FOXF1: variants seen among roughly 807,000 people sequenced by gnomAD.
FOXF1 encodes the protein forkhead box F1.
In FOXF1, 9 loss-of-function variants were observed where a neutral mutation model predicts 26.6. The observed-to-expected ratio is 0.34, with a 90% CI of 0.20 to 0.59. The LOEUF is 0.59. FOXF1 is among the 20% of genes least tolerant of loss of function. The pLI is 0.83. For synonymous variants in FOXF1, 330 were observed against 257.7 expected (o/e 1.28, Z -2.69); for missense variants, 499 against 549.9 (o/e 0.91, Z 0.93).
chr16:86,510,818 C>G lies in FOXF1; in HGVS notation c.249C>G (p.Pro83=). 1.2e-6 allele frequency: 2 copies of G among 1,614,196 alleles called. No individual in the cohort carries two copies. The highest frequency in any genetic ancestry group is 1.7e-6 in the Non-Finnish European group (2 of 1,180,034). The change falls in exon 1 of 2, where the codon CCC becomes CCG. Residue 83 remains proline, a synonymous_variant. Transcript: ENST00000262426. ...EIYQFLQSRF[P]FFRGSYQGWK... ...ACCAGTTCCTGCAGAGCCGCTTCCC[C>G]TTCTTCCGGGGCTCCTACCAGGGCT...
At chr16:86,512,594 C>T (rs186112828) in intron 1 of FOXF1, among the ~76,000 whole-genome samples, 4 of 152,362 alleles carry the variant, frequency 2.6e-5, no homozygotes, top group Non-Finnish European at 5.9e-5. Context: ...CGGCCATGGG[C>T]GTTAGGGGCC....
rs1344184347 is a variant in FOXF1, at chr16:86,511,093, C to T, written c.524C>T (p.Ser175Leu). ...HLPDTYGFQG[S>L]AGGLSCPPNS... Reference sequence around the variant, plus strand: ...CCGGACACCTACGGCTTCCAGGGCTCGGCCGGCGGCCTCTCGTGCCCGCCC... The same window carrying T: ...CCGGACACCTACGGCTTCCAGGGCTTGGCCGGCGGCCTCTCGTGCCCGCCC... Residue 175 changes from serine to leucine, a missense_variant, in exon 1 of 2, where the codon TCG becomes TTG. Ser to Leu is a moderately radical substitution (Grantham distance 145, BLOSUM62 -2). Around this residue, in one of 5 missense-constraint regions of FOXF1, gnomAD observed 367 missense variants for 324.8 expected, o/e 1.13. Transcript: ENST00000262426. 1.2e-6 allele frequency: 2 copies of T among 1,607,784 alleles called. No individual in the cohort carries two copies. Among genetic ancestry groups the T allele is most frequent in the South Asian group, 1.1e-5 (1 of 91,080 alleles).
rs1466157023 is a variant in FOXF1 at position 86,513,740 on chromosome 16, CAG to C, written c.*657_*658del. On this transcript the variant is annotated 3_prime_UTR_variant, in exon 2 of 2. Transcript: ENST00000262426. Reference sequence around the variant, plus strand: ...TCGGAAGCCACTGTCCGTCTTTAAACAGAAAGTCAAAGGAGCCACGAAGCAAG... The same window carrying C: ...TCGGAAGCCACTGTCCGTCTTTAAACAAAGTCAAAGGAGCCACGAAGCAAG... 2 of 152,354 alleles carry C rather than the reference CAG, an allele frequency of 1.3e-5. No individual in the cohort carries two copies. Among genetic ancestry groups the C allele is most frequent in the Non-Finnish European group, 2.9e-5 (2 of 68,164 alleles). The allele number at this position is 152,354 out of a possible 1,614,324, so 9.4% of individuals were successfully genotyped here. A position where few individuals can be genotyped will look rare whatever the true frequency, so the allele number is the denominator to read the frequency against.
intron 1 of FOXF1, among the ~76,000 whole-genome samples, 158 bp downstream of exon 1, chr16:86,511,706 C>G (rs1411921770): frequency 1.3e-5 from 2 of 152,196 alleles, no homozygotes; most frequent in African/African-American, 2.4e-5. Flanking sequence ...CACCTCTCCC[C>G]CTTCGAAGAG....
chr16:86,513,235 C>G lies in FOXF1; in HGVS notation c.*150C>G, dbSNP rs1252559963. The stretch of plus-strand genomic sequence containing the variant: ...ACCGGAGTTTTTGGCAAGGAGTCCC[C>G]AATGCAAAGACACAGCGCTGCGGTT... On this transcript the variant is annotated 3_prime_UTR_variant, in exon 2 of 2. Transcript: ENST00000262426. 1.4e-6 allele frequency: 1 copy of G among 732,076 alleles called. No individual in the cohort carries two copies. Among genetic ancestry groups the G allele is most frequent in the Non-Finnish European group, 2.3e-6 (1 of 441,318 alleles). The allele number at this position is 732,076 out of a possible 1,614,324, so 45.3% of individuals were successfully genotyped here. A position where few individuals can be genotyped will look rare whatever the true frequency, so the allele number is the denominator to read the frequency against.
In FOXF1 at chr16:86,513,178, T is replaced by C. The variant is rs1458323833; in HGVS notation, c.*93T>C. On this transcript the variant is annotated 3_prime_UTR_variant, in exon 2 of 2. Coordinates refer to ENST00000262426, the MANE Select transcript of FOXF1 (RefSeq NM_001451.3). ...CTGCTTTCTTCTCGAGGTATAACCG[T>C]CGGCAGAAGAAAAGGGTTCCACCTC... 1 of 1,398,646 alleles carries C rather than the reference T, an allele frequency of 7.1e-7. No homozygotes were observed. The highest frequency in any genetic ancestry group is 9.9e-7 in the Non-Finnish European group (1 of 1,013,628). 86.6% of individuals were successfully genotyped at this position (1,398,646 alleles called of 1,614,324 possible).
chr16:86,514,957 G>C lies in FOXF1; in HGVS notation c.*1872G>C, dbSNP rs897167376. 1 of 152,002 alleles carries C rather than the reference G, an allele frequency of 6.6e-6. No individual in the cohort carries two copies. The highest frequency in any genetic ancestry group is 1.5e-5 in the Non-Finnish European group (1 of 68,014). 9.4% of individuals were successfully genotyped at this position (152,002 alleles called of 1,614,324 possible). Reference sequence around the variant, plus strand: ...TCTTGCTGTAGCTGTTATAAATCGTGAATCAACTTTAAGGTTTTTTTGTAG... The same window carrying C: ...TCTTGCTGTAGCTGTTATAAATCGTCAATCAACTTTAAGGTTTTTTTGTAG... On this transcript the variant is annotated 3_prime_UTR_variant, in exon 2 of 2. Coordinates refer to ENST00000262426, the MANE Select transcript of FOXF1 (RefSeq NM_001451.3).
At position 86,513,177 on chromosome 16, in the gene FOXF1, G is replaced by A. The variant is rs575341343; in HGVS notation, c.*92G>A. The A allele has an allele frequency of 1.1e-5, 16 of 1,394,596 alleles. No homozygotes were observed. The Middle Eastern group carries it at 6.0e-4, about 53-fold the overall frequency. 86.4% of individuals were successfully genotyped at this position (1,394,596 alleles called of 1,614,324 possible). A position where few individuals can be genotyped will look rare whatever the true frequency, so the allele number is the denominator to read the frequency against. ...ACTGCTTTCTTCTCGAGGTATAACC[G>A]TCGGCAGAAGAAAAGGGTTCCACCT... On this transcript the variant is annotated 3_prime_UTR_variant, in exon 2 of 2. Coordinates refer to ENST00000262426, the MANE Select transcript of FOXF1 (RefSeq NM_001451.3).
chr16:86,511,299 C>A lies in FOXF1; in HGVS notation c.730C>A (p.Pro244Thr), dbSNP rs1464150676. The A allele has an allele frequency of 2.0e-6, 3 of 1,521,414 alleles. No individual in the cohort carries two copies. Among genetic ancestry groups the A allele is most frequent in the Non-Finnish European group, 2.6e-6 (3 of 1,141,820 alleles). The allele number at this position is 1,521,414 out of a possible 1,614,324, so 94.2% of individuals were successfully genotyped here. A position where few individuals can be genotyped will look rare whatever the true frequency, so the allele number is the denominator to read the frequency against. Residue 244 changes from proline (P) to threonine (T), a missense_variant, in exon 1 of 2, where the codon CCC (proline) becomes ACC (threonine). Pro to Thr is a conservative substitution (Grantham distance 38). Around this residue, in one of 5 missense-constraint regions of FOXF1, gnomAD observed 367 missense variants for 324.8 expected, o/e 1.13. Coordinates refer to ENST00000262426, the MANE Select transcript of FOXF1 (RefSeq NM_001451.3). ...GTACCCGCACCACGACAGCTCGGTGCCCGCCTCCCCGCTGCTGCCCACCGG... is the reference window on the plus strand; with the variant it reads ...GTACCCGCACCACGACAGCTCGGTGACCGCCTCCCCGCTGCTGCCCACCGG... ...GEYPHHDSSV[P>T]ASPLLPTGAG...
rs1969601519 is a variant in FOXF1, at chr16:86,513,545, T to C, written c.*460T>C. 1 of 104,312 alleles carries C rather than the reference T, an allele frequency of 9.6e-6. No homozygotes were observed. Among genetic ancestry groups the C allele is most frequent in the African/African-American group, 4.0e-5 (1 of 24,878 alleles). 6.5% of individuals were successfully genotyped at this position (104,312 alleles called of 1,614,324 possible). ...GGTTGAGTATTTATCTTTTTATTTT[T>C]TATTTTTTTTTTGAAAGAATGTCTT... On this transcript the variant is annotated 3_prime_UTR_variant, in exon 2 of 2. Coordinates refer to ENST00000262426, the MANE Select transcript of FOXF1 (RefSeq NM_001451.3).
rs1461344148 is a variant in FOXF1, at chr16:86,513,212, C to T, written c.*127C>T. On this transcript the variant is annotated 3_prime_UTR_variant, in exon 2 of 2. Coordinates refer to ENST00000262426, the MANE Select transcript of FOXF1 (RefSeq NM_001451.3). ...GAAAAGGGTTCCACCTCTCCCCAAC[C>T]GGAGTTTTTGGCAAGGAGTCCCCAA... The T allele has an allele frequency of 8.6e-6, 9 of 1,049,812 alleles. No individual in the cohort carries two copies. The highest frequency in any genetic ancestry group is 5.9e-5 in the South Asian group (4 of 67,992). 65.0% of individuals were successfully genotyped at this position (1,049,812 alleles called of 1,614,324 possible). A position where few individuals can be genotyped will look rare whatever the true frequency, so the allele number is the denominator to read the frequency against.
chr16:86,510,576 TC>T lies in FOXF1; in HGVS notation c.8del (p.Ser3TrpfsTer67). 1.5e-6 allele frequency: 2 copies of T among 1,367,332 alleles called. No individual in the cohort carries two copies. Among genetic ancestry groups the T allele is most frequent in the South Asian group, 3.6e-5 (2 of 54,928 alleles). 84.7% of individuals were successfully genotyped at this position (1,367,332 alleles called of 1,614,324 possible). MS[S>X]APEKQQPPHG... ...CGGCGGCAGCAGCCACCCGATGTCT[TC>T]GGCGCCCGAGAAGCAGCAGCCACCG... On this transcript the variant is annotated frameshift_variant, in exon 1 of 2. Coordinates refer to ENST00000262426, the MANE Select transcript of FOXF1 (RefSeq NM_001451.3). LOFTEE classifies it high-confidence loss of function.
In FOXF1 at chr16:86,515,047, A is replaced by C. The variant is rs1289924892; in HGVS notation, c.*1962A>C. 1 of 152,012 alleles carries C rather than the reference A, an allele frequency of 6.6e-6. No homozygotes were observed. The highest frequency in any genetic ancestry group is 1.5e-5 in the Non-Finnish European group (1 of 68,028). The allele number at this position is 152,012 out of a possible 1,614,324, so 9.4% of individuals were successfully genotyped here. A position where few individuals can be genotyped will look rare whatever the true frequency, so the allele number is the denominator to read the frequency against. ...TTGTTCTTGGTTTTCCCCGATAGAA[A>C]ATCAAGCAAAATCTAAATGAGGCAA... is the stretch of plus-strand genomic sequence containing the variant. On this transcript the variant is annotated 3_prime_UTR_variant, in exon 2 of 2. Coordinates refer to ENST00000262426, the MANE Select transcript of FOXF1 (RefSeq NM_001451.3). The surrounding 1 kb of genome is among the most constrained non-coding windows in gnomAD (Gnocchi z 4.1).
At chr16:86,512,789 G>A (rs1969588198) in intron 1 of FOXF1, 136 bp from the exon 2 acceptor site, 1 of 976,482 alleles carries the variant, frequency 1.0e-6, no homozygotes, top group Admixed American at 1.9e-5. Context: ...GAGGAGAGCG[G>A]GGAGGCGGCC....
Position 86,511,062 on chromosome 16 carries a change from C to T in FOXF1, c.493C>T (p.His165Tyr), listed in dbSNP as rs754874470. ...CATGATGAACGGGCTCGGCTTCAACCACCTCCCGGACACCTACGGCTTCCA... is the reference window on the plus strand; with the variant it reads ...CATGATGAACGGGCTCGGCTTCAACTACCTCCCGGACACCTACGGCTTCCA... ...YSMMNGLGFN[H>Y]LPDTYGFQGS... is the part of the protein sequence containing the mutation. The change falls in exon 1 of 2, where the codon CAC (histidine) becomes TAC (tyrosine). Residue 165 changes from histidine (H) to tyrosine (Y), a missense_variant. This residue lies in a region of FOXF1 where 367 missense variants were observed against 324.8 expected (regional missense o/e 1.13). Transcript: ENST00000262426. 2.5e-6 allele frequency: 4 copies of T among 1,610,770 alleles called. No homozygotes were observed. Among genetic ancestry groups the T allele is most frequent in the Non-Finnish European group, 2.5e-6 (3 of 1,179,942 alleles).
chr16:86,512,821 A>G lies in FOXF1; in HGVS notation c.980-104A>G, dbSNP rs578066345. 2.7e-5 allele frequency: 37 copies of G among 1,371,576 alleles called. No individual in the cohort carries two copies. In the East Asian group the frequency reaches 8.6e-4, roughly 32 times the overall value. 85.0% of individuals were successfully genotyped at this position (1,371,576 alleles called of 1,614,324 possible). ...GGCCGTGCTCTGGAGCCAGGCTGAC[A>G]GGCCCTGTGCGCCCCACGGGAGCAC... On this transcript the variant is annotated intron_variant, in intron 1 of 1. Coordinates refer to ENST00000262426, the MANE Select transcript of FOXF1 (RefSeq NM_001451.3).
rs1969625879 is a variant in FOXF1, at chr16:86,515,066, G to A, written c.*1981G>A. The A allele has an allele frequency of 6.6e-6, 1 of 152,134 alleles. No homozygotes were observed. Among genetic ancestry groups the A allele is most frequent in the African/African-American group, 2.4e-5 (1 of 41,414 alleles). The allele number at this position is 152,134 out of a possible 1,614,324, so 9.4% of individuals were successfully genotyped here. A position where few individuals can be genotyped will look rare whatever the true frequency, so the allele number is the denominator to read the frequency against. On this transcript the variant is annotated 3_prime_UTR_variant, in exon 2 of 2. Transcript: ENST00000262426. The surrounding 1 kb of genome is among the most constrained non-coding windows in gnomAD (Gnocchi z 4.1). ...ATAGAAAATCAAGCAAAATCTAAATGAGGCAAAAGGGCGCTTGGTGGGCCA... is the reference window on the plus strand; with the variant it reads ...ATAGAAAATCAAGCAAAATCTAAATAAGGCAAAAGGGCGCTTGGTGGGCCA...
chr16:86,513,165 C>T lies in FOXF1; in HGVS notation c.*80C>T, dbSNP rs1188717209. ...CCGGCACAAGAAACTGCTTTCTTCT[C>T]GAGGTATAACCGTCGGCAGAAGAAA... On this transcript the variant is annotated 3_prime_UTR_variant, in exon 2 of 2. Transcript: ENST00000262426. The T allele has an allele frequency of 2.7e-6, 4 of 1,473,294 alleles. No individual in the cohort carries two copies. The highest frequency in any genetic ancestry group is 2.8e-5 in the African/African-American group (2 of 72,232). 91.3% of individuals were successfully genotyped at this position (1,473,294 alleles called of 1,614,324 possible).
In FOXF1 at chr16:86,510,614, C is replaced by T; in HGVS notation, c.45C>T (p.Gly15=). Residue 15 remains glycine, a synonymous_variant, in exon 1 of 2, where the codon GGC becomes GGT. Transcript: ENST00000262426. ...PEKQQPPHGG[G]GGGGGGGGAA... ...AGCAGCAGCCACCGCACGGCGGCGG[C>T]GGCGGCGGCGGCGGGGGAGGCGGCG... The T allele has an allele frequency of 1.4e-6, 2 of 1,389,010 alleles. No individual in the cohort carries two copies. The highest frequency in any genetic ancestry group is 1.8e-5 in the South Asian group (1 of 54,966). 86.0% of individuals were successfully genotyped at this position (1,389,010 alleles called of 1,614,324 possible). A position where few individuals can be genotyped will look rare whatever the true frequency, so the allele number is the denominator to read the frequency against.
Sources: allele counts gnomAD v4.1 joint callset (sites outside exome capture counted in the v4.1 genomes callset), GRCh38; gene constraint gnomAD v4.1.1; regional missense constraint gnomAD v4.1.1; non-coding constraint Gnocchi (gnomAD v3.1); transcripts MANE v1.5; gene names NCBI Gene and HGNC (gene_info 2026-07-23, HGNC 2026-07-21).